The following TAF6 variants were observed in gnomAD, a reference collection of about 807,000 sequenced individuals.
The protein encoded by TAF6 is TATA-box binding protein associated factor 6.
In TAF6, 50 loss-of-function variants were observed where a neutral mutation model predicts 73.5. The ratio of observed to expected loss-of-function variants is 0.68; its 90% confidence interval spans 0.54 to 0.86. TAF6 has a LOEUF of 0.86. TAF6 is among the 40% of genes least tolerant of loss of function. The pLI is 0.00. For synonymous variants in TAF6, 424 were observed against 376.7 expected (o/e 1.13, Z -1.45); for missense variants, 768 against 899.5 (o/e 0.85, Z 1.87).
At chr7:100,108,930 A>C (rs1472800920) in intron 12 of TAF6, 1 of 163,362 alleles carries the variant, frequency 6.1e-6, no homozygotes, top group Non-Finnish European at 1.3e-5. Flanking sequence ...AGGTTGAGGT[A>C]CTAGAATGCT....
chr7:100,126,350 C>T, the TAF6 span, among the ~76,000 whole-genome samples: 1 of 151,514 alleles, frequency 6.6e-6, no homozygotes, highest in Non-Finnish European at 1.5e-5. Context: ...TCAAAAAAAA[C>T]CAAAAAAAAT....
At chr7:100,116,990 G>A (rs564763408) in intron 1 of TAF6, among the ~76,000 whole-genome samples, 15 of 152,262 alleles carry the variant, frequency 9.9e-5, no homozygotes, top group Non-Finnish European at 1.9e-4. Context: ...GCTCACGCCT[G>A]TAATCCCAAC....
rs201225863 is a variant in TAF6, at chr7:100,113,840, C to T, written c.243+28G>A. 5 of 928,936 alleles carry T rather than the reference C, an allele frequency of 5.4e-6. No homozygotes were observed. In the African/African-American group the frequency reaches 9.0e-5, roughly 17 times the overall value. The allele number at this position is 928,936 out of a possible 1,614,324, so 57.5% of individuals were successfully genotyped here. A position where few individuals can be genotyped will look rare whatever the true frequency, so the allele number is the denominator to read the frequency against. On this transcript the variant is annotated intron_variant, in intron 3 of 14. Coordinates refer to ENST00000453269, the MANE Select transcript of TAF6 (RefSeq NM_139315.3). ...ACCTGGCTGAAGGATGGCGTCTCACCCCCCCCCCGCCTGTCTCCCCAAATC... is the reference window on the plus strand; with the variant it reads ...ACCTGGCTGAAGGATGGCGTCTCACTCCCCCCCCGCCTGTCTCCCCAAATC...
upstream of TAF6, chr7:100,119,934 C>A: frequency 1.4e-6 from 2 of 1,418,112 alleles, no homozygotes; most frequent in South Asian, 1.4e-5. Context: ...ACATCCTAGC[C>A]TGTATTGGGT....
At chr7:100,108,976 T>A (rs1214068496) in intron 12 of TAF6, 1 of 150,736 alleles carries the variant, frequency 6.6e-6, no homozygotes, top group African/African-American at 2.5e-5. Flanking sequence ...TGAGCAGAGG[T>A]TGCATCAGTG....
Position 100,107,493 on chromosome 7 carries a change from G to A in TAF6, c.1787C>T (p.Ala596Val). The change falls in exon 15 of 15, where the codon GCT (alanine) becomes GTT (valine). Residue 596 changes from alanine to valine, a missense_variant. Ala to Val is a moderately conservative substitution (Grantham distance 64). Around this residue, in one of 5 missense-constraint regions of TAF6, gnomAD observed 350 missense variants for 352.3 expected, o/e 0.99. Coordinates refer to ENST00000453269, the MANE Select transcript of TAF6 (RefSeq NM_139315.3). ...CTGGACACTCCCAGGACCAGAGGGAGCAGTGCTGGGGGGTGCGGTGGTGGC... is the reference window on the plus strand; with the variant it reads ...CTGGACACTCCCAGGACCAGAGGGAACAGTGCTGGGGGGTGCGGTGGTGGC... ...STATTAPPST[A>V]PSGPGSVQKY... The A allele has an allele frequency of 6.2e-7, 1 of 1,614,088 alleles. No individual in the cohort carries two copies. Among genetic ancestry groups the A allele is most frequent in the Non-Finnish European group, 8.5e-7 (1 of 1,179,982 alleles).
At chr7:100,112,730 G>A in intron 6 of TAF6, 68 bp downstream of exon 6, 4 of 1,509,124 alleles carry the variant, frequency 2.7e-6, no homozygotes, top group South Asian at 2.6e-5. Flanking sequence ...CAAAAAAAAA[G>A]GAAACAAAAC....
intron 1 of TAF6, among the ~76,000 whole-genome samples, chr7:100,115,007 C>A (rs1435468132): frequency 6.6e-6 from 1 of 152,154 alleles, no homozygotes; most frequent in Non-Finnish European, 1.5e-5. Flanking sequence ...TAGGTGTGTA[C>A]CACTACACAC....
rs116196406 is a variant in TAF6, at chr7:100,110,393, G to T, written c.1084-119C>A. On this transcript the variant is annotated intron_variant, in intron 10 of 14. Coordinates refer to ENST00000453269, the MANE Select transcript of TAF6 (RefSeq NM_139315.3). The stretch of plus-strand genomic sequence containing the variant: ...TTAAGACATTACAATGAGGCCAGAC[G>T]TGGTGGCTCACACCTGTAATCCCAG... The T allele has an allele frequency of 5.2e-6, 6 of 1,152,318 alleles. No individual in the cohort carries two copies. In the Admixed American group the frequency reaches 9.1e-5, roughly 17 times the overall value. 71.4% of individuals were successfully genotyped at this position (1,152,318 alleles called of 1,614,324 possible). A position where few individuals can be genotyped will look rare whatever the true frequency, so the allele number is the denominator to read the frequency against.
chr7:100,125,081 G>A, the TAF6 span: 1 of 599,374 alleles, frequency 1.7e-6, no homozygotes, highest in Non-Finnish European at 2.8e-6. Flanking sequence ...GGAGGGTGGG[G>A]GTGGAGGTCC....
upstream of TAF6, chr7:100,122,954 GA>G (rs1219648483): frequency 1.3e-6 from 2 of 1,573,306 alleles, no homozygotes; most frequent in Non-Finnish European, 8.6e-7. Context: ...GGGAACCTGA[GA>G]GGGGAGCTAG....
At position 100,110,005 on chromosome 7, in the gene TAF6, G is replaced by T; in HGVS notation, c.1227C>A (p.Gly409=). The T allele has an allele frequency of 6.2e-7, 1 of 1,614,170 alleles. No individual in the cohort carries two copies. Among genetic ancestry groups the T allele is most frequent in the Non-Finnish European group, 8.5e-7 (1 of 1,180,028 alleles). The change falls in exon 12 of 15, where the codon GGC becomes GGA. Residue 409 remains glycine (G), a synonymous_variant. Transcript: ENST00000453269. ...EGERIRSVLD[G]PVLSNIDRIG... ...TCCGGTCAATGTTGCTCAGCACAGG[G>T]CCGTCCAGCACACTGCGGATCCGCT... is the stretch of plus-strand genomic sequence containing the variant.
chr7:100,123,764 C>T (rs1321353640), upstream of TAF6, among the ~76,000 whole-genome samples: 1 of 152,212 alleles, frequency 6.6e-6, no homozygotes, highest in East Asian at 1.9e-4. Context: ...AGGTGATCCA[C>T]CCGCCTTGGC....
At chr7:100,110,175 C>T in intron 11 of TAF6, 25 bp downstream of exon 11, 9 of 1,614,112 alleles carry the variant, frequency 5.6e-6, no homozygotes, top group Non-Finnish European at 6.8e-6. Context: ...TCCCCTCCCC[C>T]ATTTCTTCCT....
Position 100,107,449 on chromosome 7 carries a change from G to T in TAF6, c.1831C>A (p.Leu611Ile), listed in dbSNP as rs371453033. The T allele has an allele frequency of 3.4e-5, 55 of 1,612,766 alleles. No individual in the cohort carries two copies. The highest frequency in any genetic ancestry group is 6.6e-5 in the South Asian group (6 of 91,032). ...CCTTTGCCCTCCCCTGTTGGGGGAA[G>T]TGAGACCACGATGTACTTCTGGACA... ...GSVQKYIVVS[L>I]PPTGEGKGGP... is the part of the protein sequence containing the mutation. Residue 611 changes from leucine (L) to isoleucine (I), a missense_variant, in exon 15 of 15, where the codon CTT becomes ATT. Leu to Ile is a conservative substitution (Grantham distance 5). Around this residue, in one of 5 missense-constraint regions of TAF6, gnomAD observed 350 missense variants for 352.3 expected, o/e 0.99. Transcript: ENST00000453269.
chr7:100,122,357 A>G, upstream of TAF6: 1 of 1,614,134 alleles, frequency 6.2e-7, no homozygotes. Context: ...TACAGGCAAG[A>G]GGAAGAGACA....
chr7:100,114,450 C>A, intron 1 of TAF6, 182 bp from the exon 2 acceptor site: 1 of 671,734 alleles, frequency 1.5e-6, no homozygotes. Flanking sequence ...GGTTCAGTGG[C>A]TCACGCCTGT....
chr7:100,109,022 GAAA>G (rs1243805008), intron 12 of TAF6: 4 of 131,598 alleles, frequency 3.0e-5, no homozygotes, highest in East Asian at 4.3e-4. Context: ...GACTGTCTCA[GAAA>G]AAAAAAAAAA....
chr7:100,107,778 G>A, intron 14 of TAF6, 148 bp downstream of exon 14: 2 of 1,386,080 alleles, frequency 1.4e-6, no homozygotes, highest in East Asian at 4.9e-5. Flanking sequence ...ATGCAGGGCA[G>A]CTACAGCCCT....
Sources: gnomAD v4.1 joint callset for allele counts (sites outside exome capture counted in the v4.1 genomes callset) on GRCh38, gnomAD v4.1.1 for gene constraint, gnomAD v4.1.1 regional missense constraint, MANE v1.5 for transcripts, NCBI Gene and HGNC (gene_info 2026-07-23, HGNC 2026-07-21) for gene names.